ARHGAP6: variants seen among roughly 807,000 people sequenced by gnomAD.
ARHGAP6 encodes the protein Rho GTPase activating protein 6, also known as rho GTPase-activating protein 6.
ARHGAP6 carries 16 observed loss-of-function variants against 55.7 expected under a neutral mutation model. The observed-to-expected ratio is 0.29, with a 90% confidence interval of 0.19 to 0.44. The LOEUF is 0.44. Ranked by LOEUF, ARHGAP6 falls within the 20% of genes least tolerant of loss-of-function variation. The pLI, the probability that ARHGAP6 is intolerant of heterozygous loss-of-function variation, is 1.00. For synonymous variants in ARHGAP6, 382 were observed against 360.9 expected, an observed-to-expected ratio of 1.06 and a Z score of -0.66; for missense variants, 698 against 808.9, an observed-to-expected ratio of 0.86 and a Z score of 1.66.
rs750553334 is a variant in ARHGAP6, at chrX:11,591,614, T to C, written c.588+72627A>G. On this transcript the variant is annotated intron_variant, in intron 1 of 12. Transcript: ENST00000337414. ...CACATACAAAAGATCACATATTTTA[T>C]GATACCATTTATACAAATTGACCAT... 5.4e-5 allele frequency among the ~76,000 whole-genome samples: 6 copies of C among 111,507 alleles called. No individual in the cohort carries two copies. In the South Asian group the frequency reaches 2.2e-3, roughly 42 times the overall value.
chrX:11,172,860 T>C (rs1260459525), intron 8 of ARHGAP6, among the ~76,000 whole-genome samples: 2 of 111,977 alleles, frequency 1.8e-5, no homozygotes, highest in Non-Finnish European at 3.8e-5. Flanking sequence ...ACTTCATTTT[T>C]TAATTAGCTA....
intron 1 of ARHGAP6, among the ~76,000 whole-genome samples, chrX:11,584,119 A>C (rs1409462074): frequency 8.9e-6 from 1 of 112,456 alleles, no homozygotes; most frequent in Non-Finnish European, 1.9e-5. Flanking sequence ...TGAAAGCAAT[A>C]ATGTCACTAG....
At chrX:11,174,623 T>TTTTCTTTTC (rs1555964791) in intron 8 of ARHGAP6, among the ~76,000 whole-genome samples, 1 of 46,733 alleles carries the variant, frequency 2.1e-5, no homozygotes, top group Non-Finnish European at 3.9e-5. Context: ...TTTCTCTTTC[T>TTTTCTTTTC]TTTCTTTCTT....
intron 2 of ARHGAP6, among the ~76,000 whole-genome samples, chrX:11,230,443 G>A (rs772690491): frequency 9.0e-6 from 1 of 111,411 alleles, no homozygotes; most frequent in Non-Finnish European, 1.9e-5. Context: ...TGATCTGCCT[G>A]CCTTGGCGTC....
intron 1 of ARHGAP6, among the ~76,000 whole-genome samples, chrX:11,449,849 A>C (rs2050126914): frequency 8.9e-6 from 1 of 111,895 alleles, no homozygotes; most frequent in Non-Finnish European, 1.9e-5. Context: ...GAGTAAACAT[A>C]CGTGGACTGA....
At chrX:11,145,913 G>A (rs185179382) in intron 10 of ARHGAP6, among the ~76,000 whole-genome samples, 42 of 112,213 alleles carry the variant, frequency 3.7e-4, no homozygotes, top group Admixed American at 1.6e-3. Flanking sequence ...TCTGATGCAC[G>A]GGGATGTTTG....
intron 2 of ARHGAP6, among the ~76,000 whole-genome samples, chrX:11,215,860 A>C (rs1264567925): frequency 8.9e-6 from 1 of 112,416 alleles, no homozygotes; most frequent in Non-Finnish European, 1.9e-5. Context: ...GTTGCTTTGG[A>C]GTTCACCTTG....
chrX:11,434,098 G>T (rs2049965202), intron 1 of ARHGAP6, among the ~76,000 whole-genome samples: 1 of 111,892 alleles, frequency 8.9e-6, no homozygotes, highest in African/African-American at 3.3e-5. Context: ...CAGGGGAAGG[G>T]TGTCACTTGC....
At chrX:11,241,619 G>A (rs1245691677) in intron 2 of ARHGAP6, among the ~76,000 whole-genome samples, 1 of 105,843 alleles carries the variant, frequency 9.4e-6, no homozygotes, top group Non-Finnish European at 1.9e-5. Flanking sequence ...TAGATTGTTG[G>A]TTATTTAACC....
At chrX:11,465,963 T>TCTCCTCCTCCTCTTCCTCTTCCTC (rs2050288870) in intron 1 of ARHGAP6, among the ~76,000 whole-genome samples, 1 of 109,453 alleles carries the variant, frequency 9.1e-6, no homozygotes, top group South Asian at 4.0e-4. Context: ...TCCTCTTCCT[T>TCTCCTCCTCCTCTTCCTCTTCCTC]CTCCTCCTCC....
chrX:11,470,250 A>T (rs1418183394), intron 1 of ARHGAP6, among the ~76,000 whole-genome samples: 2 of 111,959 alleles, frequency 1.8e-5, no homozygotes, highest in Non-Finnish European at 3.8e-5. Context: ...CTCGTATTTC[A>T]TTTCCTCACA....
chrX:11,606,740 C>G (rs2052040085), intron 1 of ARHGAP6, among the ~76,000 whole-genome samples: 1 of 111,645 alleles, frequency 9.0e-6, no homozygotes, highest in Non-Finnish European at 1.9e-5. Context: ...AAAACTTCAT[C>G]TGAACCCAAT....
At chrX:11,636,526 G>A (rs1427231098) in intron 1 of ARHGAP6, among the ~76,000 whole-genome samples, 1 of 110,947 alleles carries the variant, frequency 9.0e-6, no homozygotes, top group African/African-American at 3.3e-5. Context: ...AAGCTTCCCG[G>A]TAACAAGCCT....
intron 1 of ARHGAP6, among the ~76,000 whole-genome samples, chrX:11,297,811 G>A (rs1569291063): frequency 8.9e-6 from 1 of 111,773 alleles, no homozygotes; most frequent in Admixed American, 9.4e-5. Context: ...TGACATCAAA[G>A]AAAAAAATGA....
intron 1 of ARHGAP6, among the ~76,000 whole-genome samples, chrX:11,568,675 T>C (rs1300683353): frequency 9.2e-6 from 1 of 108,300 alleles, no homozygotes; most frequent in Non-Finnish European, 1.9e-5. Flanking sequence ...GAGAATCTCT[T>C]GAACGCTAAG....
At position 11,659,344 on chromosome X, in the gene ARHGAP6, A is replaced by G. The variant is rs759534174; in HGVS notation, c.588+4897T>C. Among the ~76,000 whole-genome samples, 150 of 110,664 alleles carry G rather than the reference A, an allele frequency of 1.4e-3. 1 individual carries two copies. The highest frequency in any genetic ancestry group is 4.6e-3 in the Middle Eastern group (1 of 217). ...ATGTTACACCTCATGCTTAAAAATC[A>G]CCAATTTCTCCCACTCTCTACAGCA... On this transcript the variant is annotated intron_variant, in intron 1 of 12. Coordinates refer to ENST00000337414, the MANE Select transcript of ARHGAP6 (RefSeq NM_013427.3).
At chrX:11,200,171 C>T (rs1192684958) in intron 2 of ARHGAP6, among the ~76,000 whole-genome samples, 2 of 112,716 alleles carry the variant, frequency 1.8e-5, no homozygotes, top group East Asian at 2.8e-4. Context: ...GAAGTGTTTT[C>T]ATGGTGCATA....
intron 1 of ARHGAP6, among the ~76,000 whole-genome samples, chrX:11,509,244 C>T (rs893009319): frequency 1.8e-5 from 2 of 111,957 alleles, no homozygotes; most frequent in Non-Finnish European, 3.8e-5. Context: ...AGCATCTCCA[C>T]AACTAATATT....
chrX:11,494,065 C>G (rs2050598716), intron 1 of ARHGAP6, among the ~76,000 whole-genome samples: 1 of 110,361 alleles, frequency 9.1e-6, no homozygotes, highest in Non-Finnish European at 1.9e-5. Context: ...ATTTCTGTTA[C>G]AGGGATGGTG....
Sources: gnomAD v4.1 joint callset for allele counts (sites outside exome capture counted in the v4.1 genomes callset) on GRCh38, gnomAD v4.1.1 for gene constraint, MANE v1.5 for transcripts, NCBI Gene and HGNC (gene_info 2026-07-23, HGNC 2026-07-21) for gene names.